The following PTGR2 variants were observed in gnomAD, a reference collection of about 807,000 sequenced individuals.
The protein encoded by PTGR2 is 15-oxoprostaglandin 13-reductase.
A neutral mutation model predicts 43.4 loss-of-function variants in PTGR2; 32 were observed. That is an observed-to-expected ratio of 0.74 (90% CI 0.56 to 0.99). PTGR2 has a LOEUF of 0.99. PTGR2 is among the 50% of genes least tolerant of loss of function. The probability of loss-of-function intolerance (pLI) is 0.00; values close to 1 mark genes in which losing one functional copy is unlikely to be tolerated. For synonymous variants in PTGR2, 106 were observed against 139.2 expected (o/e 0.76, Z 1.68); for missense variants, 373 against 420.0 (o/e 0.89, Z 0.98).
intron 7 of PTGR2, 58 bp from the exon 8 acceptor site, chr14:73,881,147 C>T (rs2054977890): frequency 9.6e-7 from 1 of 1,036,400 alleles, no homozygotes; most frequent in South Asian, 1.3e-5. Context: ...ATGGTTTGAT[C>T]TTGGAATACC....
At chr14:73,879,458 C>G (rs2054934130) in intron 6 of PTGR2, 153 bp downstream of exon 6, 4 of 616,380 alleles carry the variant, frequency 6.5e-6, no homozygotes, top group Non-Finnish European at 1.1e-5. Flanking sequence ...TACAAAAGAG[C>G]TTGCTGATAC....
At chr14:73,878,005 C>T (rs1302760144) in intron 5 of PTGR2, 1 of 152,110 alleles carries the variant, frequency 6.6e-6, no homozygotes, top group African/African-American at 2.4e-5. Flanking sequence ...TAAATTAGCC[C>T]AGCGTGGTGG....
intron 1 of PTGR2, among the ~76,000 whole-genome samples, chr14:73,855,741 C>T (rs1019754097): frequency 2.0e-5 from 3 of 150,402 alleles, no homozygotes; most frequent in Non-Finnish European, 3.0e-5. Context: ...CCACCACGCC[C>T]GGAGTATTAC....
intron 1 of PTGR2, among the ~76,000 whole-genome samples, chr14:73,852,824 GGTTT>G (rs917965597): frequency 5.3e-5 from 8 of 151,774 alleles, no homozygotes; most frequent in Admixed American, 6.6e-5. Context: ...AAAGACACGT[GGTTT>G]GTTTGTTTGT....
chr14:73,855,780 G>A (rs1029157442), intron 1 of PTGR2, among the ~76,000 whole-genome samples: 7 of 150,428 alleles, frequency 4.7e-5, no homozygotes, highest in South Asian at 2.1e-4. Context: ...TAGTGGGGCC[G>A]GGCGCGGTGG....
At chr14:73,871,430 A>G (rs1216031603) in intron 3 of PTGR2, among the ~76,000 whole-genome samples, 1 of 128,518 alleles carries the variant, frequency 7.8e-6, no homozygotes, top group Non-Finnish European at 1.6e-5. Context: ...CTATTCATCT[A>G]TATCCTTTGT....
intron 1 of PTGR2, among the ~76,000 whole-genome samples, chr14:73,857,662 G>GTTTTTT (rs2054382479): frequency 1.7e-5 from 1 of 58,802 alleles, no homozygotes; most frequent in Non-Finnish European, 3.5e-5. Flanking sequence ...TAAGCAGTTA[G>GTTTTTT]TGTTTTTTTT....
chr14:73,870,385 G>C (rs2054700770), intron 3 of PTGR2, among the ~76,000 whole-genome samples: 1 of 151,850 alleles, frequency 6.6e-6, no homozygotes, highest in South Asian at 2.1e-4. Flanking sequence ...TCGCCATGTT[G>C]GCCAGGCTGG....
At chr14:73,879,576 C>T in intron 6 of PTGR2, 2 of 387,102 alleles carry the variant, frequency 5.2e-6, no homozygotes, top group East Asian at 5.4e-5. Flanking sequence ...ATTACAGTTG[C>T]ATTGTTGAAA....
chr14:73,880,109 G>C lies in PTGR2; in HGVS notation c.784G>C (p.Asp262His). The C allele has an allele frequency of 6.2e-7, 1 of 1,613,928 alleles. No homozygotes were observed. Among genetic ancestry groups the C allele is most frequent in the Non-Finnish European group, 8.5e-7 (1 of 1,179,870 alleles). The change falls in exon 7 of 10, where the codon GAT becomes CAT. Residue 262 changes from aspartate (D) to histidine (H), a missense_variant. By Grantham distance (81) the Asp-to-His change is moderately conservative. Coordinates refer to ENST00000555661, the MANE Select transcript of PTGR2 (RefSeq NM_001146154.2). Reference sequence around the variant, plus strand: ...TGGTCAAATTTCTCAGTACAACAAAGATGTGCCTTATCCTCCCCCGCTATC... The same window carrying C: ...TGGTCAAATTTCTCAGTACAACAAACATGTGCCTTATCCTCCCCCGCTATC... ...LCGQISQYNK[D>H]VPYPPPLSPA... is the part of the protein sequence containing the mutation.
intron 1 of PTGR2, among the ~76,000 whole-genome samples, chr14:73,856,500 CTTGGCCTCCCAAAGTGCTGG>C (rs2054351352): frequency 6.6e-6 from 1 of 152,164 alleles, no homozygotes; most frequent in Non-Finnish European, 1.5e-5. Flanking sequence ...ATCTGCCCGC[CTTGGCCTCCCAAAGTGCTGG>C]GATTACAAGG....
chr14:73,857,611 C>A (rs551100811), intron 1 of PTGR2, among the ~76,000 whole-genome samples: 8 of 117,770 alleles, frequency 6.8e-5, no homozygotes, highest in African/African-American at 2.5e-4. Flanking sequence ...AAGATTCTGT[C>A]CCCCACTCCA....
At chr14:73,874,430 A>G (rs2054809095) in intron 4 of PTGR2, among the ~76,000 whole-genome samples, 1 of 152,246 alleles carries the variant, frequency 6.6e-6, no homozygotes, top group Admixed American at 6.5e-5. Context: ...TGAGCCTGCT[A>G]AAATAAACTG....
At chr14:73,854,344 C>T (rs1460057655) in intron 1 of PTGR2, among the ~76,000 whole-genome samples, 1 of 152,092 alleles carries the variant, frequency 6.6e-6, no homozygotes, top group Non-Finnish European at 1.5e-5. Flanking sequence ...TCAAGTGATC[C>T]ACCTGCCTCA....
At chr14:73,872,149 C>T (rs1016797165) in intron 3 of PTGR2, among the ~76,000 whole-genome samples, 1 of 152,132 alleles carries the variant, frequency 6.6e-6, no homozygotes, top group Non-Finnish European at 1.5e-5. Context: ...TTGACTGCTA[C>T]CAAGAGAAGT....
At chr14:73,864,013 C>T (rs1161977030) in intron 3 of PTGR2, among the ~76,000 whole-genome samples, 1 of 152,188 alleles carries the variant, frequency 6.6e-6, no homozygotes, top group Non-Finnish European at 1.5e-5. Flanking sequence ...CTGCCTCAGC[C>T]TCCTGAGTAG....
intron 2 of PTGR2, among the ~76,000 whole-genome samples, chr14:73,859,793 A>T (rs2054443703): frequency 1.3e-5 from 2 of 151,738 alleles, no homozygotes; most frequent in African/African-American, 4.8e-5. Context: ...CTAAAAAAAA[A>T]AAAGAAATAC....
At chr14:73,874,271 C>A in intron 4 of PTGR2, 57 bp downstream of exon 4, 1 of 1,288,078 alleles carries the variant, frequency 7.8e-7, no homozygotes, top group Non-Finnish European at 1.1e-6. Context: ...TTACTTTGTG[C>A]ATTTGATATT....
Position 73,853,677 on chromosome 14 carries a change from T to G in PTGR2, c.-48+1734T>G, listed in dbSNP as rs542154397. On this transcript the variant is annotated intron_variant, in intron 1 of 9. Coordinates refer to ENST00000555661, the MANE Select transcript of PTGR2 (RefSeq NM_001146154.2). ...GATATTACCAACCTCACAGTTTTTT[T>G]GGGGTGAGGGTGGGGGAGGTGGTTT... Among the ~76,000 whole-genome samples, 554 of 152,216 alleles carry G rather than the reference T, an allele frequency of 3.6e-3. 3 individuals are homozygous for G. Among genetic ancestry groups the G allele is most frequent in the African/African-American group, 0.013 (528 of 41,530 alleles).
Sources: allele counts gnomAD v4.1 joint callset (sites outside exome capture counted in the v4.1 genomes callset), GRCh38; gene constraint gnomAD v4.1.1; transcripts MANE v1.5; gene names NCBI Gene and HGNC (gene_info 2026-07-23, HGNC 2026-07-21).